XKR6: variants seen among roughly 807,000 people sequenced by gnomAD.
XKR6 encodes XK-related protein 6.
A neutral mutation model predicts 56.7 loss-of-function variants in XKR6; 22 were observed. The observed-to-expected ratio is 0.39, with a 90% CI of 0.28 to 0.55. The LOEUF is 0.55. Ranked by LOEUF, XKR6 falls within the 20% of genes least tolerant of loss-of-function variation. The pLI is 0.66. For missense variants in XKR6, 852 were observed against 889.0 expected (o/e 0.96, Z 0.53); for synonymous variants, 524 against 387.8 (o/e 1.35, Z -4.13).
chr8:10,992,044 C>T lies in XKR6; in HGVS notation c.765-67214G>A, dbSNP rs540332868. Among the ~76,000 whole-genome samples, 4 of 152,314 alleles carry T rather than the reference C, an allele frequency of 2.6e-5. No homozygotes were observed. The South Asian group carries it at 8.3e-4, about 32-fold the overall frequency. Reference sequence around the variant, plus strand: ...AGCCATGTGATAGTACAGCAGGAAACAGACCTGGCCGTGAGTCCTGCCGCC... The same window carrying T: ...AGCCATGTGATAGTACAGCAGGAAATAGACCTGGCCGTGAGTCCTGCCGCC... On this transcript the variant is annotated intron_variant, in intron 1 of 2. Coordinates refer to ENST00000416569, the MANE Select transcript of XKR6 (RefSeq NM_173683.4).
intron 1 of XKR6, among the ~76,000 whole-genome samples, chr8:11,037,076 A>G (rs999445082): frequency 6.6e-6 from 1 of 152,216 alleles, no homozygotes; most frequent in Non-Finnish European, 1.5e-5. Flanking sequence ...CGTGGATATC[A>G]TTTAGTGATG....
chr8:11,055,263 A>G (rs1799652821), intron 1 of XKR6, among the ~76,000 whole-genome samples: 1 of 151,962 alleles, frequency 6.6e-6, no homozygotes, highest in Admixed American at 6.5e-5. Flanking sequence ...TATCACTAAG[A>G]GGAAACATGG....
intron 1 of XKR6, among the ~76,000 whole-genome samples, chr8:11,175,756 C>T (rs1186897607): frequency 6.6e-6 from 1 of 152,110 alleles, no homozygotes; most frequent in East Asian, 1.9e-4. Flanking sequence ...ACTATGCTTC[C>T]TTCTCCTACT....
chr8:11,106,494 G>C (rs1480055892), intron 1 of XKR6: 2 of 152,240 alleles, frequency 1.3e-5, no homozygotes, highest in Non-Finnish European at 2.9e-5. Flanking sequence ...GAGAGGGCCT[G>C]GCATGAAGCA....
chr8:11,104,886 C>CT (rs1491452814), intron 1 of XKR6: 1 of 152,136 alleles, frequency 6.6e-6, no homozygotes, highest in African/African-American at 2.4e-5. Flanking sequence ...GGTTTCAGTG[C>CT]TTTTTCACAT....
chr8:11,013,072 C>G (rs1400755356), intron 1 of XKR6, among the ~76,000 whole-genome samples: 4 of 152,174 alleles, frequency 2.6e-5, no homozygotes. Context: ...CAAGGTCACA[C>G]AGCAGGTTGG....
chr8:11,186,024 G>T (rs1803253564), intron 1 of XKR6, among the ~76,000 whole-genome samples: 1 of 152,180 alleles, frequency 6.6e-6, no homozygotes, highest in Admixed American at 6.5e-5. Context: ...TGCATCAGAG[G>T]CCTTCTGTGG....
chr8:10,967,124 T>C (rs955084170), intron 1 of XKR6, among the ~76,000 whole-genome samples: 10 of 152,190 alleles, frequency 6.6e-5, no homozygotes, highest in Non-Finnish European at 1.5e-4. Flanking sequence ...TGCATGACAG[T>C]GCGTGATCCT....
chr8:10,979,838 C>G (rs952727548), intron 1 of XKR6, among the ~76,000 whole-genome samples: 5 of 152,214 alleles, frequency 3.3e-5, no homozygotes, highest in Non-Finnish European at 7.3e-5. Context: ...CACGCACAGA[C>G]TCCCAGGCTG....
At chr8:11,123,728 C>G (rs1799597179) in intron 1 of XKR6, 1 of 387,622 alleles carries the variant, frequency 2.6e-6, no homozygotes, top group Non-Finnish European at 5.2e-6. Flanking sequence ...CTGAAGAAAT[C>G]CAATATGCAC....
At chr8:10,947,110 G>A (rs529470568) in intron 1 of XKR6, among the ~76,000 whole-genome samples, 1 of 152,288 alleles carries the variant, frequency 6.6e-6, no homozygotes, top group Admixed American at 6.5e-5. Context: ...GAGACGGGTT[G>A]GAGCGGAAGA....
intron 1 of XKR6, among the ~76,000 whole-genome samples, chr8:11,080,510 C>A (rs986065825): frequency 6.6e-6 from 1 of 152,210 alleles, no homozygotes; most frequent in Admixed American, 6.5e-5. Flanking sequence ...CAGTGATAAT[C>A]AAAACTTTGG....
intron 1 of XKR6, among the ~76,000 whole-genome samples, chr8:11,053,223 T>C (rs936755656): frequency 1.3e-5 from 2 of 152,242 alleles, no homozygotes; most frequent in South Asian, 2.1e-4. Flanking sequence ...CTCAGTCATC[T>C]TGCTACTTAA....
At chr8:11,092,066 A>T (rs970015289) in intron 1 of XKR6, among the ~76,000 whole-genome samples, 1 of 152,226 alleles carries the variant, frequency 6.6e-6, no homozygotes, top group Non-Finnish European at 1.5e-5. Flanking sequence ...TTCTGCAGTT[A>T]AGCATACAAA....
intron 1 of XKR6, among the ~76,000 whole-genome samples, chr8:11,178,887 G>A (rs1472973206): frequency 6.6e-6 from 1 of 151,646 alleles, no homozygotes; most frequent in Non-Finnish European, 1.5e-5. Flanking sequence ...CCAGGTTGGA[G>A]AGTAGAGTGC....
chr8:11,134,451 A>G (rs1409845532), intron 1 of XKR6, among the ~76,000 whole-genome samples: 1 of 152,188 alleles, frequency 6.6e-6, no homozygotes, highest in Non-Finnish European at 1.5e-5. Context: ...GACTACTCCA[A>G]GTGGAAACAC....
intron 1 of XKR6, among the ~76,000 whole-genome samples, chr8:10,950,769 C>A (rs1331509242): frequency 1.3e-5 from 2 of 152,346 alleles, no homozygotes; most frequent in Middle Eastern, 3.4e-3. Flanking sequence ...GCTGGCCAAA[C>A]CTTCGCCTCC....
At chr8:11,006,383 G>A (rs1389852248) in intron 1 of XKR6, among the ~76,000 whole-genome samples, 2 of 152,112 alleles carry the variant, frequency 1.3e-5, no homozygotes, top group Admixed American at 6.5e-5. Flanking sequence ...CTGCCCCTAT[G>A]GTCACAATTG....
chr8:11,105,501 G>C (rs1048618896), intron 1 of XKR6: 2 of 152,222 alleles, frequency 1.3e-5, no homozygotes, highest in Non-Finnish European at 2.9e-5. Flanking sequence ...CCACTGCTGA[G>C]TCAAGAAGGG....
Sources: gnomAD v4.1 joint callset for allele counts (sites outside exome capture counted in the v4.1 genomes callset) on GRCh38, gnomAD v4.1.1 for gene constraint, MANE v1.5 for transcripts, NCBI Gene and HGNC (gene_info 2026-07-23, HGNC 2026-07-21) for gene names.